SLC16A10: variants seen among roughly 807,000 people sequenced by gnomAD.
SLC16A10 encodes solute carrier family 16 member 10.
In SLC16A10, 27 loss-of-function variants were observed where a neutral mutation model predicts 40.0. The ratio of observed to expected loss-of-function variants is 0.67; its 90% CI spans 0.50 to 0.93. SLC16A10 has a LOEUF of 0.93. SLC16A10 is among the 40% of genes least tolerant of loss of function. The pLI is 0.00. For missense variants in SLC16A10, 529 were observed against 658.2 expected, an observed-to-expected ratio of 0.80 and a Z score of 2.15; for synonymous variants, 213 against 249.8, an observed-to-expected ratio of 0.85 and a Z score of 1.39.
intron 4 of SLC16A10, among the ~76,000 whole-genome samples, chr6:111,216,956 G>A (rs1238732533): frequency 6.6e-6 from 1 of 152,204 alleles, no homozygotes; most frequent in Non-Finnish European, 1.5e-5. Flanking sequence ...GAGGCCCTCA[G>A]ATTGTGAGTG....
At chr6:111,201,062 G>A (rs1314062742) in intron 3 of SLC16A10, among the ~76,000 whole-genome samples, 1 of 152,152 alleles carries the variant, frequency 6.6e-6, no homozygotes, top group Non-Finnish European at 1.5e-5. Context: ...CCATGTAAAT[G>A]TAAAACATAC....
At chr6:111,201,419 A>G (rs754862250) in intron 3 of SLC16A10, among the ~76,000 whole-genome samples, 2 of 152,136 alleles carry the variant, frequency 1.3e-5, no homozygotes, top group Admixed American at 6.6e-5. Context: ...GCCTCTGTAT[A>G]CGGCCTTTGT....
chr6:111,147,822 C>T (rs1366684412), intron 1 of SLC16A10, among the ~76,000 whole-genome samples: 1 of 152,090 alleles, frequency 6.6e-6, no homozygotes, highest in East Asian at 1.9e-4. Context: ...TTCTCTGGGG[C>T]CAGCACAAAC....
intron 3 of SLC16A10, among the ~76,000 whole-genome samples, chr6:111,194,207 G>A (rs942658022): frequency 2.0e-5 from 3 of 152,078 alleles, no homozygotes; most frequent in Admixed American, 6.6e-5. Context: ...CTTTCTAATA[G>A]CACTTTATGT....
rs182165792 is a variant in SLC16A10, at chr6:111,140,517, T to C, written c.344-32178T>C. On this transcript the variant is annotated intron_variant, in intron 1 of 5. Coordinates refer to ENST00000368851, the MANE Select transcript of SLC16A10 (RefSeq NM_018593.5). ...TACCAGCCCAACTGCACTTCTTCAC[T>C]CCCCCACCACTCTAATGAAGTCATC... 1.6e-4 allele frequency among the ~76,000 whole-genome samples: 24 copies of C among 151,692 alleles called. No individual in the cohort carries two copies. In the East Asian group the frequency reaches 4.7e-3, roughly 30 times the overall value.
At chr6:111,220,391 T>A (rs1318417492) in intron 5 of SLC16A10, among the ~76,000 whole-genome samples, 1 of 152,244 alleles carries the variant, frequency 6.6e-6, no homozygotes, top group Non-Finnish European at 1.5e-5. Flanking sequence ...AAAGATGTCC[T>A]ATGTTCAGTA....
At chr6:111,184,860 T>G (rs1277372368) in intron 3 of SLC16A10, among the ~76,000 whole-genome samples, 2 of 152,178 alleles carry the variant, frequency 1.3e-5, no homozygotes, top group Admixed American at 1.3e-4. Flanking sequence ...CGAAAGGTAT[T>G]TTTTAGCTTT....
rs1317697105 is a variant in SLC16A10, at chr6:111,177,632, A to G, written c.909A>G (p.Ala303=). ...YAVWAVGIPL[A]LFGYFVPYVH... ...TGTGGGCAGTTGGAATACCACTTGC[A>G]CTTTTTGGATACTTTGTGCCTTATG... The change falls in exon 3 of 6, where the codon GCA becomes GCG. Residue 303 remains alanine, a synonymous_variant. Coordinates refer to ENST00000368851, the MANE Select transcript of SLC16A10 (RefSeq NM_018593.5). 4 of 1,575,950 alleles carry G rather than the reference A, an allele frequency of 2.5e-6. No individual in the cohort carries two copies. The highest frequency in any genetic ancestry group is 4.5e-5 in the East Asian group (2 of 44,578).
rs71021825 is a variant in SLC16A10, at chr6:111,100,959, CCTCTCTCTCT to C, written c.343+12889_343+12898del. Reference sequence around the variant, plus strand: ...GGGGTTCTCTCTCGCTCTTTCTCTCCCTCTCTCTCTCTCTCTCTCTCTCTCTCTCTCTCTA... The same window carrying C: ...GGGGTTCTCTCTCGCTCTTTCTCTCCCTCTCTCTCTCTCTCTCTCTCTCTA... On this transcript the variant is annotated intron_variant, in intron 1 of 5. Transcript: ENST00000368851. Among the ~76,000 whole-genome samples, 341 of 81,460 alleles carry C rather than the reference CCTCTCTCTCT, an allele frequency of 4.2e-3. 3 individuals carry two copies. The Middle Eastern group carries it at 0.048, about 11-fold the overall frequency. 53.4% of individuals were successfully genotyped at this position (81,460 alleles called of 152,430 possible).
chr6:111,207,111 A>G (rs1773268044), intron 4 of SLC16A10, among the ~76,000 whole-genome samples: 2 of 152,238 alleles, frequency 1.3e-5, no homozygotes, highest in African/African-American at 2.4e-5. Context: ...AAATTCTTCT[A>G]TAAAAATGAG....
In SLC16A10 at chr6:111,177,477, C is replaced by T. The variant is rs747108048; in HGVS notation, c.754C>T (p.Arg252Ter). 2 of 1,614,008 alleles carry T rather than the reference C, an allele frequency of 1.2e-6. No individual in the cohort carries two copies. Among genetic ancestry groups the T allele is most frequent in the South Asian group, 1.1e-5 (1 of 91,070 alleles). The change falls in exon 3 of 6, where the codon CGA becomes TGA. Residue 252 changes from arginine (R) to a stop codon, truncating the protein, a stop_gained. Coordinates refer to ENST00000368851, the MANE Select transcript of SLC16A10 (RefSeq NM_018593.5). LOFTEE classifies it high-confidence loss of function. ...TCTCTTTCTGGCTGGCTTTACTTAC[C>T]GACCTCTTGCTACCAGTACCAAAGA... The part of the protein sequence containing the change: ...FVLFLAGFTY[R>*]PLATSTKDKE...
Position 111,186,965 on chromosome 6 carries a change from C to T in SLC16A10, c.942+9300C>T, listed in dbSNP as rs77483568. Among the ~76,000 whole-genome samples, 1,253 of 152,182 alleles carry T rather than the reference C, an allele frequency of 8.2e-3. 26 individuals carry two copies. The highest frequency in any genetic ancestry group is 0.029 in the African/African-American group (1,191 of 41,524). On this transcript the variant is annotated intron_variant, in intron 3 of 5. Coordinates refer to ENST00000368851, the MANE Select transcript of SLC16A10 (RefSeq NM_018593.5). ...AATCCCTATATCTCTGTTATGCAATCCCTGTATCTCTGTATCCATGTTAAA... is the reference window on the plus strand; with the variant it reads ...AATCCCTATATCTCTGTTATGCAATTCCTGTATCTCTGTATCCATGTTAAA...
chr6:111,174,685 T>C lies in SLC16A10; in HGVS notation c.488+1846T>C, dbSNP rs142069918. ...ACCTCATCAGATAGCTTCTTTGATC[T>C]GGAAGCTTCCAGGTACCTATTGTCA... On this transcript the variant is annotated intron_variant, in intron 2 of 5. Transcript: ENST00000368851. 5.7e-3 allele frequency among the ~76,000 whole-genome samples: 868 copies of C among 152,296 alleles called. 9 individuals carry two copies. The highest frequency in any genetic ancestry group is 0.02 in the African/African-American group (833 of 41,560).
At chr6:111,148,239 A>G (rs1007944660) in intron 1 of SLC16A10, among the ~76,000 whole-genome samples, 52 of 152,184 alleles carry the variant, frequency 3.4e-4, no homozygotes, top group Admixed American at 3.4e-3. Context: ...ACTCTTCTAT[A>G]TAAAAGAGGA....
chr6:111,132,065 A>G (rs1771792721), intron 1 of SLC16A10, among the ~76,000 whole-genome samples: 1 of 152,192 alleles, frequency 6.6e-6, no homozygotes, highest in Admixed American at 6.5e-5. Context: ...CTCTGAACCC[A>G]GATAGTCTTG....
At chr6:111,103,199 C>T (rs537290262) in intron 1 of SLC16A10, among the ~76,000 whole-genome samples, 9 of 152,030 alleles carry the variant, frequency 5.9e-5, no homozygotes, top group African/African-American at 1.9e-4. Flanking sequence ...AACCACCGGG[C>T]CCGGCTCCCC....
chr6:111,112,239 T>C (rs1318409243), intron 1 of SLC16A10, among the ~76,000 whole-genome samples: 1 of 152,124 alleles, frequency 6.6e-6, no homozygotes, highest in South Asian at 2.1e-4. Context: ...GTCTCTGTGT[T>C]GCCTAGGCTG....
At chr6:111,133,001 C>T (rs1382783800) in intron 1 of SLC16A10, among the ~76,000 whole-genome samples, 1 of 152,258 alleles carries the variant, frequency 6.6e-6, no homozygotes, top group Non-Finnish European at 1.5e-5. Context: ...TACACCCTCT[C>T]TGAAATGAAT....
chr6:111,196,227 C>T (rs545792340), intron 3 of SLC16A10, among the ~76,000 whole-genome samples: 1 of 152,224 alleles, frequency 6.6e-6, no homozygotes, highest in Non-Finnish European at 1.5e-5. Context: ...GTCCCAGCTA[C>T]TCAGGAGGCT....
Sources: allele counts gnomAD v4.1 joint callset (sites outside exome capture counted in the v4.1 genomes callset), GRCh38; gene constraint gnomAD v4.1.1; transcripts MANE v1.5; gene names NCBI Gene and HGNC (gene_info 2026-07-23, HGNC 2026-07-21).